Variants in CUX2 observed in about 807,000 individuals in gnomAD.
CUX2 encodes cut like homeobox 2.
In CUX2, 40 loss-of-function variants were observed where a neutral mutation model predicts 144.8. That is an observed-to-expected ratio of 0.28 (90% CI 0.21 to 0.36). The LOEUF is 0.36. Among genes scored for constraint, CUX2 ranks in the 10% least tolerant of loss-of-function variants. The probability of loss-of-function intolerance (pLI) is 1.00; values close to 1 mark genes in which losing one functional copy is unlikely to be tolerated. For missense variants in CUX2, 1,615 were observed against 1,994.0 expected, an observed-to-expected ratio of 0.81 and a Z score of 3.62; for synonymous variants, 827 against 875.6, an observed-to-expected ratio of 0.94 and a Z score of 0.98.
chr12:111,177,457 C>A (rs775876586), intron 1 of CUX2, among the ~76,000 whole-genome samples: 4 of 152,128 alleles, frequency 2.6e-5, no homozygotes, highest in Non-Finnish European at 5.9e-5. Flanking sequence ...CTGGTGTGAT[C>A]TTGGCTCACT....
At chr12:111,191,796 C>T (rs1179778345) in intron 1 of CUX2, among the ~76,000 whole-genome samples, 1 of 152,170 alleles carries the variant, frequency 6.6e-6, no homozygotes, top group Non-Finnish European at 1.5e-5. Flanking sequence ...CCTGGGGACC[C>T]CCCCACTTTG....
At position 111,246,590 on chromosome 12, in the gene CUX2, G is replaced by A. The variant is rs1397624145; in HGVS notation, c.223-17171G>A. Among the ~76,000 whole-genome samples the A allele has an allele frequency of 6.6e-6, 1 of 152,214 alleles. No individual in the cohort carries two copies. The highest frequency in any genetic ancestry group is 1.5e-5 in the Non-Finnish European group (1 of 68,032). ...AAACAAAAATCTCCGGATTCTTAAA[G>A]ATTGGCTAACATCAATCATTTTTAA... On this transcript the variant is annotated intron_variant, in intron 3 of 21. Coordinates refer to ENST00000261726, the MANE Select transcript of CUX2 (RefSeq NM_015267.4). The surrounding 1 kb of genome is among the most constrained non-coding windows in gnomAD (Gnocchi z 4.0).
rs1399785981 is a variant in CUX2 at position 111,171,971 on chromosome 12, G to T, written c.64-42229G>T. Among the ~76,000 whole-genome samples, 1 of 151,898 alleles carries T rather than the reference G, an allele frequency of 6.6e-6. No individual in the cohort carries two copies. Among genetic ancestry groups the T allele is most frequent in the Non-Finnish European group, 1.5e-5 (1 of 67,964 alleles). On this transcript the variant is annotated intron_variant, in intron 1 of 21. Coordinates refer to ENST00000261726, the MANE Select transcript of CUX2 (RefSeq NM_015267.4). The surrounding 1 kb of genome is among the most constrained non-coding windows in gnomAD (Gnocchi z 5.0). ...TGCGTGTGTGTGCGTGCATGTGCAT[G>T]CACCTGTGTGTGTGTGCATGTGCCT...
intron 1 of CUX2, among the ~76,000 whole-genome samples, chr12:111,182,206 A>G (rs1006234816): frequency 2.0e-5 from 3 of 152,302 alleles, no homozygotes; most frequent in South Asian, 2.1e-4. Flanking sequence ...ACCTAACTAG[A>G]GACATGCCCC....
At chr12:111,275,478 C>G in intron 4 of CUX2, among the ~76,000 whole-genome samples, 1 of 152,188 alleles carries the variant, frequency 6.6e-6, no homozygotes, top group Non-Finnish European at 1.5e-5. Context: ...CAGCTCTGGG[C>G]AGCCGCATGT....
At chr12:111,151,784 C>T (rs1410335461) in intron 1 of CUX2, among the ~76,000 whole-genome samples, 8 of 151,978 alleles carry the variant, frequency 5.3e-5, no homozygotes, top group Non-Finnish European at 1.0e-4. Context: ...GCCAGGCTCG[C>T]TCCGGCCATC....
At chr12:111,291,948 C>T (rs773509082) in intron 5 of CUX2, among the ~76,000 whole-genome samples, 1 of 152,150 alleles carries the variant, frequency 6.6e-6, no homozygotes, top group Non-Finnish European at 1.5e-5. Context: ...GAGCCCTTGC[C>T]GAGCTGGACA....
Position 111,293,161 on chromosome 12 carries a change from T to A in CUX2, c.437-285T>A, listed in dbSNP as rs1466455034. ...AAATAAAAAATAAAAAAAGGTGAAT[T>A]TTATGTGACGTATATTTTACCACAA... On this transcript the variant is annotated intron_variant, in intron 5 of 21. Coordinates refer to ENST00000261726, the MANE Select transcript of CUX2 (RefSeq NM_015267.4). The surrounding 1 kb of genome is among the most constrained non-coding windows in gnomAD (Gnocchi z 4.5). Among the ~76,000 whole-genome samples, 1 of 152,072 alleles carries A rather than the reference T, an allele frequency of 6.6e-6. No homozygotes were observed. The highest frequency in any genetic ancestry group is 1.5e-5 in the Non-Finnish European group (1 of 68,012).
chr12:111,318,088 T>G (rs375409096), intron 16 of CUX2, among the ~76,000 whole-genome samples: 12 of 152,092 alleles, frequency 7.9e-5, no homozygotes, highest in African/African-American at 2.6e-4. Context: ...TGTTGTTGTT[T>G]TTTGAGATAG....
rs115996883 is a variant in CUX2 at position 111,255,367 on chromosome 12, G to C, written c.223-8394G>C. On this transcript the variant is annotated intron_variant, in intron 3 of 21. Transcript: ENST00000261726. The surrounding 1 kb of genome is among the most constrained non-coding windows in gnomAD (Gnocchi z 4.1). ...AAATGTAATTTTCATTTGCTCAGCG[G>C]CATCACTGATGGATGGCAGAGAGCA... Among the ~76,000 whole-genome samples the C allele has an allele frequency of 0.018, 2,683 of 152,332 alleles. 88 individuals carry two copies. Among genetic ancestry groups the C allele is most frequent in the African/African-American group, 0.062 (2,572 of 41,576 alleles).
At chr12:111,330,718 T>TATATATATATATAC (rs1565926215) in intron 18 of CUX2, among the ~76,000 whole-genome samples, 1 of 43,558 alleles carries the variant, frequency 2.3e-5, no homozygotes, top group Non-Finnish European at 4.4e-5. Flanking sequence ...TATATATATA[T>TATATATATATATAC]ATATATATAT....
intron 1 of CUX2, among the ~76,000 whole-genome samples, chr12:111,155,018 T>C (rs1877288204): frequency 6.6e-6 from 1 of 152,218 alleles, no homozygotes; most frequent in South Asian, 2.1e-4. Flanking sequence ...AATTTGTTCA[T>C]CTGTATGATG....
intron 18 of CUX2, among the ~76,000 whole-genome samples, chr12:111,326,633 G>A (rs113645886): frequency 1.3e-4 from 19 of 151,986 alleles, no homozygotes; most frequent in Non-Finnish European, 2.2e-4. Context: ...GCTGGGCACC[G>A]TGGCTCACAC....
chr12:111,045,913 A>G (rs1468000837), intron 1 of CUX2, among the ~76,000 whole-genome samples: 2 of 152,192 alleles, frequency 1.3e-5, no homozygotes, highest in African/African-American at 4.8e-5. Context: ...AGTGACTAGT[A>G]TTACCTTTAT....
intron 1 of CUX2, among the ~76,000 whole-genome samples, chr12:111,094,440 G>C (rs533308329): frequency 5.2e-4 from 79 of 152,364 alleles, no homozygotes; most frequent in African/African-American, 1.7e-3. Flanking sequence ...GGGGACTGGG[G>C]TCAGAGACCT....
intron 4 of CUX2, among the ~76,000 whole-genome samples, chr12:111,274,724 AC>A: frequency 6.6e-6 from 1 of 151,816 alleles, no homozygotes; most frequent in Non-Finnish European, 1.5e-5. Flanking sequence ...TGAGCCTCCC[AC>A]CCCCGCAGGC....
intron 1 of CUX2, among the ~76,000 whole-genome samples, chr12:111,208,289 TG>T (rs1416267263): frequency 6.6e-6 from 1 of 152,120 alleles, no homozygotes; most frequent in Non-Finnish European, 1.5e-5. Flanking sequence ...GAGAAGATTG[TG>T]GGCACAGATA....
intron 3 of CUX2, among the ~76,000 whole-genome samples, chr12:111,259,793 CAAA>C (rs770448329): frequency 1.5e-4 from 11 of 74,250 alleles, no homozygotes; most frequent in Admixed American, 4.6e-4. Context: ...GACTCTGTCT[CAAA>C]AAAAAAAAAA....
intron 3 of CUX2, among the ~76,000 whole-genome samples, chr12:111,219,093 T>G (rs1039186652): frequency 1.3e-5 from 2 of 152,198 alleles, no homozygotes; most frequent in Non-Finnish European, 2.9e-5. Context: ...GCATTTTAAG[T>G]CTGTCATCCA....
Sources: gnomAD v4.1 joint callset for allele counts (sites outside exome capture counted in the v4.1 genomes callset) on GRCh38, gnomAD v4.1.1 for gene constraint, Gnocchi (gnomAD v3.1) non-coding constraint, MANE v1.5 for transcripts, NCBI Gene and HGNC (gene_info 2026-07-23, HGNC 2026-07-21) for gene names.